Variants in SYNE2 observed in about 807,000 individuals in gnomAD.
SYNE2 encodes the protein spectrin repeat containing nuclear envelope protein 2.
In SYNE2, 431 loss-of-function variants were observed where a neutral mutation model predicts 856.3. The ratio of observed to expected loss-of-function variants is 0.50; its 90% CI spans 0.47 to 0.55. The LOEUF is 0.55. SYNE2 is among the 20% of genes least tolerant of loss of function. The probability of loss-of-function intolerance (pLI) is 0.00; values close to 1 mark genes in which losing one functional copy is unlikely to be tolerated. For missense variants in SYNE2, 8,129 were observed against 8,023.2 expected (o/e 1.01, Z -0.50); for synonymous variants, 2,923 against 2,872.3 (o/e 1.02, Z -0.56).
At chr14:63,944,770 T>C (rs994307464) in intron 6 of SYNE2, among the ~76,000 whole-genome samples, 4 of 146,764 alleles carry the variant, frequency 2.7e-5, no homozygotes, top group African/African-American at 1.0e-4. Context: ...CTTCCTGCCT[T>C]GGCCTCCCAA....
intron 6 of SYNE2, among the ~76,000 whole-genome samples, chr14:63,944,837 T>C: frequency 7.4e-6 from 1 of 135,562 alleles, no homozygotes; most frequent in East Asian, 2.1e-4. Flanking sequence ...TTTTTTTTTT[T>C]TTTTTTTTTT....
intron 100 of SYNE2, among the ~76,000 whole-genome samples, chr14:64,204,734 T>C (rs966559338): frequency 3.3e-5 from 5 of 152,188 alleles, no homozygotes; most frequent in Admixed American, 6.5e-5. Flanking sequence ...ACTACCATTA[T>C]TGTAAAGAAG....
chr14:63,795,834 T>C (rs1042246707), intron 1 of SYNE2, among the ~76,000 whole-genome samples: 1 of 152,134 alleles, frequency 6.6e-6, no homozygotes, highest in African/African-American at 2.4e-5. Flanking sequence ...ATTAACACAA[T>C]GTGGATGAAC....
chr14:64,171,272 C>A (rs1225569301), intron 94 of SYNE2, among the ~76,000 whole-genome samples: 1 of 152,194 alleles, frequency 6.6e-6, no homozygotes, highest in Non-Finnish European at 1.5e-5. Context: ...TCCTGTACAG[C>A]CCTCACTCAT....
At chr14:63,933,807 T>C (rs530621664) in intron 2 of SYNE2, among the ~76,000 whole-genome samples, 3 of 152,330 alleles carry the variant, frequency 2.0e-5, no homozygotes, top group Non-Finnish European at 2.9e-5. Context: ...TACATGCCAT[T>C]CTAAGAAGAG....
Position 64,097,950 on chromosome 14 carries a change from G to T in SYNE2, c.12110G>T (p.Gly4037Val). 2 of 1,614,206 alleles carry T rather than the reference G, an allele frequency of 1.2e-6. No individual in the cohort carries two copies. Among genetic ancestry groups the T allele is most frequent in the South Asian group, 2.2e-5 (2 of 91,072 alleles). ...DQADKLPQLQ[G>V]EIERMEKQIL... The stretch of plus-strand genomic sequence containing the variant: ...TATGCAAACACTCTTTCTACACAGG[G>T]AGAAATCGAACGTATGGAGAAACAG... The change falls in exon 62 of 116, where the codon GGA becomes GTA. Residue 4037 changes from glycine to valine, a missense_variant and splice_region_variant. Physicochemically the swap from Gly to Val is moderately radical, Grantham distance 109 (BLOSUM62 -3). Coordinates refer to ENST00000555002, the MANE Select transcript of SYNE2 (RefSeq NM_182914.3).
In SYNE2 at chr14:64,218,478, C is replaced by CGG. The variant is rs1567679337; in HGVS notation, c.19627_19628dup (p.Leu6544AspfsTer18). On this transcript the variant is annotated frameshift_variant, in exon 109 of 116. Transcript: ENST00000555002. LOFTEE classifies it high-confidence loss of function. Reference sequence around the variant, plus strand: ...TGAATGGCAACCCACAGCAGGAAGACGGGGGACTGGCCGGTATCACAGAGC... The same window carrying CGG: ...TGAATGGCAACCCACAGCAGGAAGACGGGGGGGACTGGCCGGTATCACAGAGC... The CGG allele has an allele frequency of 5.6e-6, 9 of 1,614,036 alleles. No homozygotes were observed. Among genetic ancestry groups the CGG allele is most frequent in the Non-Finnish European group, 7.6e-6 (9 of 1,180,030 alleles).
Position 64,063,045 on chromosome 14 carries a change from AG to A in SYNE2, c.10212+151del, listed in dbSNP as rs1416459824. On this transcript the variant is annotated intron_variant, in intron 50 of 115. Transcript: ENST00000555002. Reference sequence around the variant, plus strand: ...ATGAATATTCCTCAAATCGAAAGCCAGAGAGTAATGTTTTATATATATTTGA... The same window carrying A: ...ATGAATATTCCTCAAATCGAAAGCCAAGAGTAATGTTTTATATATATTTGA... 14 of 990,860 alleles carry A rather than the reference AG, an allele frequency of 1.4e-5. No homozygotes were observed. The African/African-American group carries it at 1.9e-4, about 14-fold the overall frequency. The allele number at this position is 990,860 out of a possible 1,614,324, so 61.4% of individuals were successfully genotyped here. A position where few individuals can be genotyped will look rare whatever the true frequency, so the allele number is the denominator to read the frequency against.
intron 63 of SYNE2, among the ~76,000 whole-genome samples, chr14:64,101,324 G>T (rs374384724): frequency 1.3e-5 from 2 of 152,070 alleles, no homozygotes; most frequent in African/African-American, 4.8e-5. Flanking sequence ...ATTCTAACAG[G>T]TGTAAAGTAG....
intron 49 of SYNE2, among the ~76,000 whole-genome samples, chr14:64,062,305 G>A (rs1402720536): frequency 6.6e-6 from 1 of 152,182 alleles, no homozygotes; most frequent in African/African-American, 2.4e-5. Context: ...GAGTAAAGAT[G>A]TTTTACTGTG....
chr14:64,119,696 C>A, intron 67 of SYNE2, 87 bp downstream of exon 67: 1 of 1,383,448 alleles, frequency 7.2e-7, no homozygotes, highest in Non-Finnish European at 1.0e-6. Flanking sequence ...AAGTGATGAA[C>A]CAGCTACAGA....
intron 85 of SYNE2, 69 bp downstream of exon 85, chr14:64,152,785 T>C (rs2153704738): frequency 1.9e-6 from 3 of 1,599,630 alleles, no homozygotes; most frequent in African/African-American, 1.3e-5. Context: ...TCGTTGTAGT[T>C]GTTTTCGTCC....
chr14:64,160,672 G>A (rs927567379), intron 87 of SYNE2, among the ~76,000 whole-genome samples: 4 of 152,172 alleles, frequency 2.6e-5, no homozygotes, highest in African/African-American at 9.7e-5. Context: ...ATATTGTGGA[G>A]CAAACATTCT....
chr14:63,974,173 A>G (rs985959087), intron 11 of SYNE2, among the ~76,000 whole-genome samples: 1 of 152,236 alleles, frequency 6.6e-6, no homozygotes, highest in Non-Finnish European at 1.5e-5. Context: ...AGGACTTTTC[A>G]TTAGAGAAAG....
In SYNE2 at chr14:64,090,968, G is replaced by C; in HGVS notation, c.11896G>C (p.Val3966Leu). 6.2e-7 allele frequency: 1 copy of C among 1,614,124 alleles called. No homozygotes were observed. Among genetic ancestry groups the C allele is most frequent in the Non-Finnish European group, 8.5e-7 (1 of 1,179,994 alleles). The change falls in exon 60 of 116, where the codon GTG becomes CTG. Residue 3966 changes from valine (V) to leucine (L), a missense_variant. Val to Leu is a conservative substitution (Grantham distance 32). Around this residue, in one of 3 missense-constraint regions of SYNE2, gnomAD observed 5,410 missense variants for 5,284.8 expected, o/e 1.02. Transcript: ENST00000555002. Reference sequence around the variant, plus strand: ...CCAAACAGGAATGAAACCTCTGCCTGTGTTTCAGCGGACAAATCAGCTTTT... The same window carrying C: ...CCAAACAGGAATGAAACCTCTGCCTCTGTTTCAGCGGACAAATCAGCTTTT... ...LPQTGMKPLP[V>L]FQRTNQLLQD...
At chr14:63,903,395 CAG>C (rs2095363885) in intron 1 of SYNE2, among the ~76,000 whole-genome samples, 1 of 152,188 alleles carries the variant, frequency 6.6e-6, no homozygotes, top group Non-Finnish European at 1.5e-5. Flanking sequence ...TGGTTAAAAA[CAG>C]AAACTTCTTA....
chr14:63,977,020 G>A (rs1481286324), intron 12 of SYNE2, among the ~76,000 whole-genome samples: 1 of 151,446 alleles, frequency 6.6e-6, no homozygotes, highest in Non-Finnish European at 1.5e-5. Flanking sequence ...GGGTGGAGAA[G>A]GGGGAGCCTG....
intron 1 of SYNE2, among the ~76,000 whole-genome samples, chr14:63,833,032 G>C (rs1889726208): frequency 6.6e-6 from 1 of 150,600 alleles, no homozygotes; most frequent in Non-Finnish European, 1.5e-5. Flanking sequence ...TATAAAAAAA[G>C]TAAAAATAAA....
chr14:63,962,859 C>T (rs567936012), intron 9 of SYNE2, among the ~76,000 whole-genome samples: 3 of 152,132 alleles, frequency 2.0e-5, no homozygotes, highest in Non-Finnish European at 4.4e-5. Context: ...ATTAGATTGC[C>T]ATTTGATTAT....
Sources: allele counts gnomAD v4.1 joint callset (sites outside exome capture counted in the v4.1 genomes callset), GRCh38; gene constraint gnomAD v4.1.1; regional missense constraint gnomAD v4.1.1; transcripts MANE v1.5; gene names NCBI Gene and HGNC (gene_info 2026-07-23, HGNC 2026-07-21).